ANO2: variants seen among roughly 807,000 people sequenced by gnomAD.
The protein encoded by ANO2 is anoctamin 2, also known as anoctamin-2.
In ANO2, 101 loss-of-function variants were observed where a neutral mutation model predicts 124.2. The observed-to-expected ratio is 0.81, with a 90% confidence interval of 0.69 to 0.96. The LOEUF (loss-of-function observed/expected upper bound fraction) is 0.96. ANO2 is among the 40% of genes least tolerant of loss of function. The pLI is 0.00. For missense variants in ANO2, 1,293 were observed against 1,274.5 expected (o/e 1.01, Z -0.22); for synonymous variants, 486 against 482.5 (o/e 1.01, Z -0.09).
chr12:5,733,270 C>A (rs1342015120), intron 13 of ANO2: 8 of 311,472 alleles, frequency 2.6e-5, no homozygotes, highest in Non-Finnish European at 5.0e-5. Context: ...CCTCACTGGG[C>A]CATTCAGCAA....
At chr12:5,817,558 A>T (rs539591053) in intron 7 of ANO2, among the ~76,000 whole-genome samples, 1 of 152,324 alleles carries the variant, frequency 6.6e-6, no homozygotes, top group African/African-American at 2.4e-5. Flanking sequence ...TTAAGGAAAA[A>T]TCTGGAGGAC....
At chr12:5,634,012 G>T (rs1180444223) in intron 16 of ANO2, among the ~76,000 whole-genome samples, 3 of 152,132 alleles carry the variant, frequency 2.0e-5, no homozygotes, top group African/African-American at 7.2e-5. Context: ...AGGAGTGTTG[G>T]ATGTTCTTCC....
At chr12:5,827,122 C>T (rs561435766) in intron 7 of ANO2, among the ~76,000 whole-genome samples, 1 of 152,330 alleles carries the variant, frequency 6.6e-6, no homozygotes, top group Admixed American at 6.5e-5. Flanking sequence ...TGTACCTGGG[C>T]CATCACAGAT....
intron 14 of ANO2, among the ~76,000 whole-genome samples, chr12:5,657,043 T>C (rs1020097106): frequency 1.4e-4 from 22 of 152,004 alleles, no homozygotes; most frequent in South Asian, 2.1e-4. Context: ...ATGGAGAAGG[T>C]TGGCAGGGCC....
At chr12:5,879,713 C>T (rs1938352864) in intron 3 of ANO2, among the ~76,000 whole-genome samples, 1 of 152,116 alleles carries the variant, frequency 6.6e-6, no homozygotes, top group African/African-American at 2.4e-5. Context: ...GGGGCAGGGG[C>T]TGAAGGCAAG....
rs1270925787 is a variant in ANO2 at position 5,698,966 on chromosome 12, T to C, written c.1545+33554A>G. ...GTGAAAAGACCAAATCTACATCTGA[T>C]TGGTGTACCTGAAAGTGACGGGGAG... is the stretch of plus-strand genomic sequence containing the variant. On this transcript the variant is annotated intron_variant, in intron 14 of 24. Coordinates refer to ENST00000682330, the MANE Select transcript of ANO2 (RefSeq NM_001364791.2). Among the ~76,000 whole-genome samples, 10 of 152,300 alleles carry C rather than the reference T, an allele frequency of 6.6e-5. No individual in the cohort carries two copies. In the South Asian group the frequency reaches 1.2e-3, roughly 19 times the overall value.
At chr12:5,856,226 G>A (rs564755787) in intron 3 of ANO2, 1 of 152,330 alleles carries the variant, frequency 6.6e-6, no homozygotes, top group African/African-American at 2.4e-5. Flanking sequence ...GCTAAGAGGA[G>A]ATCACAATGA....
intron 14 of ANO2, among the ~76,000 whole-genome samples, chr12:5,724,696 AC>A (rs1950364539): frequency 6.6e-6 from 1 of 152,140 alleles, no homozygotes; most frequent in Non-Finnish European, 1.5e-5. Context: ...CAGTAAATTA[AC>A]ACCCCTCTAT....
chr12:5,704,449 A>G (rs1045969860), intron 14 of ANO2, among the ~76,000 whole-genome samples: 6 of 152,314 alleles, frequency 3.9e-5, no homozygotes, highest in African/African-American at 1.4e-4. Flanking sequence ...CTGTTTTTAT[A>G]ACAATCCTGT....
chr12:5,826,545 G>A (rs1409516917), intron 7 of ANO2, among the ~76,000 whole-genome samples: 1 of 150,930 alleles, frequency 6.6e-6, no homozygotes, highest in African/African-American at 2.5e-5. Flanking sequence ...ACTCAGCCTC[G>A]CCTCATCAGC....
At chr12:5,914,019 G>A (rs567986802) in intron 3 of ANO2, among the ~76,000 whole-genome samples, 7 of 152,098 alleles carry the variant, frequency 4.6e-5, no homozygotes, top group African/African-American at 1.7e-4. Context: ...CAGCAACATG[G>A]TGAAACCCTG....
intron 14 of ANO2, among the ~76,000 whole-genome samples, chr12:5,685,096 T>A (rs1277966015): frequency 6.6e-6 from 1 of 152,106 alleles, no homozygotes; most frequent in Non-Finnish European, 1.5e-5. Context: ...CCCAGCAACA[T>A]CCTATGCCCA....
chr12:5,709,957 AG>A (rs1440886882), intron 14 of ANO2, among the ~76,000 whole-genome samples: 2 of 152,224 alleles, frequency 1.3e-5, no homozygotes, highest in African/African-American at 4.8e-5. Context: ...GTGAGAGGGC[AG>A]GGCCTTGAAC....
intron 3 of ANO2, chr12:5,858,827 C>T (rs919198592): frequency 1.3e-5 from 2 of 152,240 alleles, no homozygotes; most frequent in African/African-American, 2.4e-5. Flanking sequence ...GCACCTAGCA[C>T]GAGACTGCAC....
chr12:5,778,396 G>T (rs565187486), intron 10 of ANO2, among the ~76,000 whole-genome samples: 1 of 152,132 alleles, frequency 6.6e-6, no homozygotes, highest in Admixed American at 6.5e-5. Flanking sequence ...GGGGTTCTTT[G>T]TACCATCCTG....
At chr12:5,694,251 CAGAGAGAGAG>C (rs5796182) in intron 14 of ANO2, among the ~76,000 whole-genome samples, 18 of 133,968 alleles carry the variant, frequency 1.3e-4, no homozygotes, top group Admixed American at 5.4e-4. Context: ...TTACCAGAGA[CAGAGAGAGAG>C]AGAGAGAGAG....
rs913693191 is a variant in ANO2 at position 5,843,122 on chromosome 12, C to T, written c.634-10519G>A. On this transcript the variant is annotated intron_variant, in intron 4 of 24. Transcript: ENST00000682330. ...CTATAGCCAACCAACCCTATGTAAA[C>T]GGCATCAGTTCTAGCTCATTTAAAA... Among the ~76,000 whole-genome samples the T allele has an allele frequency of 9.2e-5, 14 of 152,244 alleles. No homozygotes were observed. In the East Asian group the frequency reaches 2.5e-3, roughly 27 times the overall value.
At chr12:5,808,359 T>G (rs1299839071) in intron 7 of ANO2, among the ~76,000 whole-genome samples, 1 of 152,244 alleles carries the variant, frequency 6.6e-6, no homozygotes, top group Admixed American at 6.5e-5. Context: ...CGTTATTTAC[T>G]TGTTTCATTC....
intron 4 of ANO2, among the ~76,000 whole-genome samples, chr12:5,849,400 A>G (rs1410158368): frequency 6.6e-6 from 1 of 152,264 alleles, no homozygotes; most frequent in Non-Finnish European, 1.5e-5. Context: ...ATGAGAAATC[A>G]ACAGAAATGT....
Sources: allele counts gnomAD v4.1 joint callset (sites outside exome capture counted in the v4.1 genomes callset), GRCh38; gene constraint gnomAD v4.1.1; transcripts MANE v1.5; gene names NCBI Gene and HGNC (gene_info 2026-07-23, HGNC 2026-07-21).